The following SPTBN1 variants were observed in gnomAD, a reference collection of about 807,000 sequenced individuals.
SPTBN1 encodes the protein spectrin beta chain, non-erythrocytic 1.
In SPTBN1, 32 loss-of-function variants were observed where a neutral mutation model predicts 266.4. The observed-to-expected ratio is 0.12, with a 90% CI of 0.09 to 0.16. The LOEUF (loss-of-function observed/expected upper bound fraction) is 0.16. SPTBN1 is among the 10% of genes least tolerant of loss of function. The pLI is 1.00. For missense variants in SPTBN1, 2,296 were observed against 3,067.1 expected, an observed-to-expected ratio of 0.75 and a Z score of 5.94; for synonymous variants, 1,336 against 1,162.2, an observed-to-expected ratio of 1.15 and a Z score of -3.04.
At chr2:54,593,116 C>T (rs955879687) in intron 2 of SPTBN1, among the ~76,000 whole-genome samples, 1 of 152,188 alleles carries the variant, frequency 6.6e-6, no homozygotes, top group African/African-American at 2.4e-5. Context: ...ATGTAAATGC[C>T]ACTCACTTGA....
intron 1 of SPTBN1, among the ~76,000 whole-genome samples, chr2:54,519,402 C>A (rs935513275): frequency 4.6e-5 from 7 of 152,104 alleles, no homozygotes; most frequent in Admixed American, 3.9e-4. Flanking sequence ...CTAAGGTTGT[C>A]TAATTCAGAC....
intron 2 of SPTBN1, among the ~76,000 whole-genome samples, chr2:54,548,855 T>A (rs891402154): frequency 6.6e-6 from 1 of 152,224 alleles, no homozygotes; most frequent in African/African-American, 2.4e-5. Context: ...GGGTGTTACC[T>A]AGGCTGGCAT....
At position 54,629,300 on chromosome 2, in the gene SPTBN1, C is replaced by T. The variant is rs905568304; in HGVS notation, c.2166C>T (p.Ile722=). 1.2e-6 allele frequency: 2 copies of T among 1,613,930 alleles called. No homozygotes were observed. ...AGATCCGTGAGAGGATCATTTACATCCGGGAGCAGTGGGCCAACCTAGAGC... is the reference window on the plus strand; with the variant it reads ...AGATCCGTGAGAGGATCATTTACATTCGGGAGCAGTGGGCCAACCTAGAGC... The part of the protein sequence containing the change: ...SEKIRERIIY[I]REQWANLEQL... Residue 722 remains isoleucine (I), a synonymous_variant, in exon 14 of 36, where the codon ATC becomes ATT. Coordinates refer to ENST00000356805, the MANE Select transcript of SPTBN1 (RefSeq NM_003128.3).
At chr2:54,479,236 TAA>T (rs1252292722) in intron 1 of SPTBN1, among the ~76,000 whole-genome samples, 1 of 152,164 alleles carries the variant, frequency 6.6e-6, no homozygotes, top group Non-Finnish European at 1.5e-5. Flanking sequence ...TAAAGGCAAA[TAA>T]AGTATAGTTA....
At chr2:54,623,692 G>A in intron 10 of SPTBN1, 96 bp downstream of exon 10, 1 of 1,004,040 alleles carries the variant, frequency 1.0e-6, no homozygotes, top group Non-Finnish European at 1.5e-6. Flanking sequence ...GAGACTGGAA[G>A]GGGCTGTCCC....
chr2:54,486,818 T>C (rs1281957754), intron 1 of SPTBN1, among the ~76,000 whole-genome samples: 1 of 151,878 alleles, frequency 6.6e-6, no homozygotes, highest in Non-Finnish European at 1.5e-5. Flanking sequence ...ATTTAGATTT[T>C]GATGTTGATT....
intron 2 of SPTBN1, among the ~76,000 whole-genome samples, chr2:54,579,514 C>T (rs909995373): frequency 9.2e-5 from 14 of 152,196 alleles, no homozygotes; most frequent in Admixed American, 2.6e-4. Flanking sequence ...CATTAGCGCA[C>T]GTGCTATATA....
At position 54,520,061 on chromosome 2, in the gene SPTBN1, G is replaced by C. The variant is rs762338724; in HGVS notation, c.-47-6311G>C. On this transcript the variant is annotated intron_variant, in intron 1 of 35. Transcript: ENST00000356805. ...CTTGCAGGGAGCAGCTGTCAGCACCGGGTAACCAGCAAAGACAGAGAAGTG... is the reference window on the plus strand; with the variant it reads ...CTTGCAGGGAGCAGCTGTCAGCACCCGGTAACCAGCAAAGACAGAGAAGTG... Among the ~76,000 whole-genome samples, 3 of 152,270 alleles carry C rather than the reference G, an allele frequency of 2.0e-5. No homozygotes were observed. In the South Asian group the frequency reaches 6.2e-4, roughly 32 times the overall value.
Position 54,668,524 on chromosome 2 carries a change from GAAAGAC to G in SPTBN1, c.7056_7061del (p.Asp2352_Lys2353del). 2 of 1,614,102 alleles carry G rather than the reference GAAAGAC, an allele frequency of 1.2e-6. No individual in the cohort carries two copies. Among genetic ancestry groups the G allele is most frequent in the Non-Finnish European group, 1.7e-6 (2 of 1,179,998 alleles). On this transcript the variant is annotated inframe_deletion, in exon 36 of 36. Coordinates refer to ENST00000356805, the MANE Select transcript of SPTBN1 (RefSeq NM_003128.3). Reference sequence around the variant, plus strand: ...CCGGCAAGCGGGAAAAGGACAAAGAGAAAGACAAAGAGAAGCGGTTCAGCCTTTTTG... The same window carrying G: ...CCGGCAAGCGGGAAAAGGACAAAGAGAAAGAGAAGCGGTTCAGCCTTTTTG...
Position 54,668,845 on chromosome 2 carries a change from T to G in SPTBN1, c.*276T>G, listed in dbSNP as rs1004602899. On this transcript the variant is annotated 3_prime_UTR_variant, in exon 36 of 36. Coordinates refer to ENST00000356805, the MANE Select transcript of SPTBN1 (RefSeq NM_003128.3). The stretch of plus-strand genomic sequence containing the variant: ...TCTCAGTATTTAAACTGTTCCTCAA[T>G]TTTGTGAGGCTGTGTTGGAAATAAC... The G allele has an allele frequency of 2.8e-6, 1 of 360,514 alleles. No homozygotes were observed. Among genetic ancestry groups the G allele is most frequent in the African/African-American group, 2.1e-5 (1 of 47,354 alleles). 22.3% of individuals were successfully genotyped at this position (360,514 alleles called of 1,614,324 possible). A position where few individuals can be genotyped will look rare whatever the true frequency, so the allele number is the denominator to read the frequency against.
intron 2 of SPTBN1, among the ~76,000 whole-genome samples, chr2:54,534,824 T>G (rs893599083): frequency 2.6e-5 from 4 of 152,158 alleles, no homozygotes; most frequent in African/African-American, 9.7e-5. Context: ...CTCCCAGAGT[T>G]TCTGACTATT....
chr2:54,503,108 C>CT (rs1329180299), intron 1 of SPTBN1, among the ~76,000 whole-genome samples: 1 of 152,154 alleles, frequency 6.6e-6, no homozygotes, highest in Non-Finnish European at 1.5e-5. Context: ...AAAGAAAATC[C>CT]TTTTGTTGTG....
intron 1 of SPTBN1, among the ~76,000 whole-genome samples, chr2:54,502,150 C>T (rs1292318481): frequency 6.6e-6 from 1 of 152,182 alleles, no homozygotes; most frequent in Middle Eastern, 3.2e-3. Context: ...TTTGAAATGA[C>T]ACCCTACCCC....
chr2:54,489,320 C>T (rs76235322), intron 1 of SPTBN1, among the ~76,000 whole-genome samples: 6 of 110,436 alleles, frequency 5.4e-5, no homozygotes. Context: ...GACCCTGTCT[C>T]AAAAAAAAAA....
rs779753987 is a variant in SPTBN1 at position 54,622,457 on chromosome 2, A to G, written c.1034A>G (p.Asn345Ser). The G allele has an allele frequency of 3.2e-5, 52 of 1,614,098 alleles. No homozygotes were observed. The highest frequency in any genetic ancestry group is 1.7e-6 in the Non-Finnish European group (2 of 1,180,042). ...GTTCAACAGCAGCTTCAGGCATTCA[A>G]CACTTACCGCACTGTGGAGAAACCA... The part of the protein sequence containing the change: ...VGVQQQLQAF[N>S]TYRTVEKPPK... Residue 345 changes from asparagine to serine, a missense_variant, in exon 9 of 36, where the codon AAC (asparagine) becomes AGC (serine). This residue lies in a region of SPTBN1 where 148 missense variants were observed against 203.8 expected (regional missense o/e 0.73). Transcript: ENST00000356805.
Position 54,664,344 on chromosome 2 carries a change from G to T in SPTBN1, c.6421-109G>T. ...TGCAATGGTTTTACTGTACTGCCTCGATCTGTGCCAGGCATTTATACACAG... is the reference window on the plus strand; with the variant it reads ...TGCAATGGTTTTACTGTACTGCCTCTATCTGTGCCAGGCATTTATACACAG... On this transcript the variant is annotated intron_variant, in intron 32 of 35. Transcript: ENST00000356805. The surrounding 1 kb of genome is among the most constrained non-coding windows in gnomAD (Gnocchi z 5.6). 1 of 1,143,950 alleles carries T rather than the reference G, an allele frequency of 8.7e-7. No homozygotes were observed. The highest frequency in any genetic ancestry group is 2.4e-5 in the East Asian group (1 of 42,138). 70.9% of individuals were successfully genotyped at this position (1,143,950 alleles called of 1,614,324 possible).
Position 54,631,213 on chromosome 2 carries a change from G to A in SPTBN1, c.3166G>A (p.Ala1056Thr). ...GAAGACCACCCTGAAAAACCGAGAGGCCTCCCTGGGAGAGGCCAGCAAGCT... is the reference window on the plus strand; with the variant it reads ...GAAGACCACCCTGAAAAACCGAGAGACCTCCCTGGGAGAGGCCAGCAAGCT... ...EMKTTLKNRE[A>T]SLGEASKLQQ... The change falls in exon 16 of 36, where the codon GCC (alanine) becomes ACC (threonine). Residue 1056 changes from alanine (A) to threonine (T), a missense_variant. Ala to Thr is a moderately conservative substitution (Grantham distance 58). Transcript: ENST00000356805. The A allele has an allele frequency of 6.2e-7, 1 of 1,614,190 alleles. No homozygotes were observed. The highest frequency in any genetic ancestry group is 2.2e-5 in the East Asian group (1 of 44,882).
At position 54,650,008 on chromosome 2, in the gene SPTBN1, C is replaced by T. The variant is rs758381552; in HGVS notation, c.5577+19C>T. The T allele has an allele frequency of 1.9e-6, 3 of 1,592,246 alleles. No homozygotes were observed. The highest frequency in any genetic ancestry group is 2.7e-5 in the African/African-American group (2 of 74,342). ...CACACAGGTGGGTATGGCAGCCACCCAGGGGTGCTGGGGAGGCTTTTTCTC... is the reference window on the plus strand; with the variant it reads ...CACACAGGTGGGTATGGCAGCCACCTAGGGGTGCTGGGGAGGCTTTTTCTC... On this transcript the variant is annotated intron_variant, in intron 26 of 35. Transcript: ENST00000356805.
chr2:54,509,244 G>A (rs912641384), intron 1 of SPTBN1, among the ~76,000 whole-genome samples: 1 of 152,208 alleles, frequency 6.6e-6, no homozygotes, highest in Non-Finnish European at 1.5e-5. Context: ...GGATCAGAGA[G>A]ATACAGTCAT....
Sources: allele counts gnomAD v4.1 joint callset (sites outside exome capture counted in the v4.1 genomes callset), GRCh38; gene constraint gnomAD v4.1.1; regional missense constraint gnomAD v4.1.1; non-coding constraint Gnocchi (gnomAD v3.1); transcripts MANE v1.5; gene names NCBI Gene and HGNC (gene_info 2026-07-23, HGNC 2026-07-21).